EDIL3: variants seen among roughly 807,000 people sequenced by gnomAD.
The protein encoded by EDIL3 is EGF-like repeat and discoidin I-like domain-containing protein 3.
EDIL3 carries 37 observed loss-of-function variants against 67.4 expected under a neutral mutation model. That is an observed-to-expected ratio of 0.55 (90% CI 0.42 to 0.72). The LOEUF is 0.72. EDIL3 is among the 30% of genes least tolerant of loss of function. The pLI is 0.00. For missense variants in EDIL3, 527 were observed against 586.3 expected, an observed-to-expected ratio of 0.90 and a Z score of 1.04; for synonymous variants, 195 against 196.3, an observed-to-expected ratio of 0.99 and a Z score of 0.05.
chr5:84,031,276 C>T (rs1343753944), intron 9 of EDIL3, among the ~76,000 whole-genome samples: 1 of 152,142 alleles, frequency 6.6e-6, no homozygotes, highest in Non-Finnish European at 1.5e-5. Flanking sequence ...TAGTAATACA[C>T]TAAGCTGATT....
chr5:84,064,969 GGA>G, intron 7 of EDIL3, 125 bp from the exon 8 acceptor site: 1 of 1,252,808 alleles, frequency 8.0e-7, no homozygotes, highest in Non-Finnish European at 1.0e-6. Flanking sequence ...TTGGGAGCAT[GGA>G]GCATTTGAGA....
chr5:84,162,549 T>A (rs558793182), intron 4 of EDIL3, among the ~76,000 whole-genome samples: 1 of 152,214 alleles, frequency 6.6e-6, no homozygotes, highest in East Asian at 1.9e-4. Context: ...AATGGAAGGT[T>A]CTGTGATGAC....
At chr5:84,047,119 C>A (rs558565640) in intron 9 of EDIL3, among the ~76,000 whole-genome samples, 10 of 152,034 alleles carry the variant, frequency 6.6e-5, no homozygotes, top group Non-Finnish European at 1.5e-4. Context: ...ACCTCCAAAC[C>A]ATAAAGGTTC....
intron 6 of EDIL3, among the ~76,000 whole-genome samples, chr5:84,091,187 A>T (rs1424081494): frequency 6.6e-6 from 1 of 152,140 alleles, no homozygotes; most frequent in Non-Finnish European, 1.5e-5. Flanking sequence ...TTTTCAACTT[A>T]CTAAGTTTAG....
chr5:84,271,202 TTAAAA>T (rs1334580473), intron 1 of EDIL3, among the ~76,000 whole-genome samples: 1 of 152,018 alleles, frequency 6.6e-6, no homozygotes, highest in African/African-American at 2.4e-5. Flanking sequence ...TAACTATCAC[TTAAAA>T]TAAAGGAGAG....
rs139101175 is a variant in EDIL3, at chr5:84,283,760, C to T, written c.68-29548G>A. On this transcript the variant is annotated intron_variant, in intron 1 of 10. Transcript: ENST00000296591. ...GCATATATTCCTAGTTTTCTTTCTA[C>T]TCCTCTGTAAGCTTTTTTGTTTGTT... 5.8e-4 allele frequency among the ~76,000 whole-genome samples: 89 copies of T among 152,264 alleles called. 2 individuals are homozygous for T. In the East Asian group the frequency reaches 0.017, roughly 29 times the overall value.
chr5:83,960,278 A>G (rs936220865), intron 10 of EDIL3, among the ~76,000 whole-genome samples: 8 of 151,220 alleles, frequency 5.3e-5, no homozygotes, highest in Non-Finnish European at 8.9e-5. Context: ...TACGAATAAT[A>G]GTGTGCTTTA....
intron 4 of EDIL3, among the ~76,000 whole-genome samples, chr5:84,153,249 C>T (rs1321011729): frequency 6.6e-6 from 1 of 150,934 alleles, no homozygotes; most frequent in Non-Finnish European, 1.5e-5. Context: ...GCTACAACAC[C>T]CTTCATATCT....
intron 4 of EDIL3, among the ~76,000 whole-genome samples, chr5:84,146,751 G>A (rs572698499): frequency 2.0e-4 from 31 of 151,966 alleles, no homozygotes; most frequent in Non-Finnish European, 3.5e-4. Flanking sequence ...TTTACACTCA[G>A]ATGAAAGGAG....
At chr5:84,313,485 A>G (rs1036289825) in intron 1 of EDIL3, among the ~76,000 whole-genome samples, 3 of 152,240 alleles carry the variant, frequency 2.0e-5, no homozygotes, top group Admixed American at 2.0e-4. Flanking sequence ...GAGAACATGG[A>G]TAGAATCCTG....
chr5:84,049,356 C>T (rs1393730403), intron 9 of EDIL3, among the ~76,000 whole-genome samples: 1 of 152,144 alleles, frequency 6.6e-6, no homozygotes, highest in African/African-American at 2.4e-5. Context: ...GGTACACAAT[C>T]CACCAGAAAG....
intron 1 of EDIL3, among the ~76,000 whole-genome samples, chr5:84,370,323 A>G (rs1463160608): frequency 6.6e-6 from 1 of 152,216 alleles, no homozygotes; most frequent in South Asian, 2.1e-4. Context: ...GCTCCTCGGC[A>G]GACACAGTTC....
intron 1 of EDIL3, among the ~76,000 whole-genome samples, chr5:84,303,806 CTCTGTG>C (rs1394073008): frequency 7.9e-5 from 8 of 101,332 alleles, no homozygotes; most frequent in Non-Finnish European, 1.8e-4. Flanking sequence ...CTCTCTCTCT[CTCTGTG>C]TGTGTGTGTG....
intron 5 of EDIL3, among the ~76,000 whole-genome samples, chr5:84,109,249 T>G (rs1206671735): frequency 6.6e-6 from 1 of 152,230 alleles, no homozygotes; most frequent in Non-Finnish European, 1.5e-5. Flanking sequence ...CTCATGTCTG[T>G]AATCCCAGCA....
At chr5:84,029,373 A>G (rs1168804515) in intron 9 of EDIL3, among the ~76,000 whole-genome samples, 1 of 152,170 alleles carries the variant, frequency 6.6e-6, no homozygotes, top group African/African-American at 2.4e-5. Flanking sequence ...TTCCGCAACG[A>G]TTGTGAGGCC....
chr5:84,075,812 AT>A (rs1746842773), intron 6 of EDIL3, among the ~76,000 whole-genome samples: 1 of 151,760 alleles, frequency 6.6e-6, no homozygotes, highest in Non-Finnish European at 1.5e-5. Context: ...GTTCTCAACC[AT>A]ATGGTCTCGG....
intron 1 of EDIL3, among the ~76,000 whole-genome samples, chr5:84,279,148 T>G (rs1219232112): frequency 6.6e-6 from 1 of 152,170 alleles, no homozygotes; most frequent in Non-Finnish European, 1.5e-5. Context: ...CCTTATCCTT[T>G]TTCATGAAAG....
At chr5:84,333,123 T>C (rs1164005926) in intron 1 of EDIL3, among the ~76,000 whole-genome samples, 2 of 152,116 alleles carry the variant, frequency 1.3e-5, no homozygotes, top group Non-Finnish European at 2.9e-5. Context: ...AAAAGATAAG[T>C]ATAATTTTTA....
intron 2 of EDIL3, 53 bp downstream of exon 2, chr5:84,254,031 T>C (rs955034913): frequency 6.5e-7 from 1 of 1,529,136 alleles, no homozygotes; most frequent in Non-Finnish European, 8.8e-7. Flanking sequence ...AAACTGCCAT[T>C]TATTCATGGA....
Sources: gnomAD v4.1 joint callset for allele counts (sites outside exome capture counted in the v4.1 genomes callset) on GRCh38, gnomAD v4.1.1 for gene constraint, MANE v1.5 for transcripts, NCBI Gene and HGNC (gene_info 2026-07-23, HGNC 2026-07-21) for gene names.